The following TAFA1 variants were observed in gnomAD, a reference collection of about 807,000 sequenced individuals.
TAFA1 encodes the protein chemokine-like protein TAFA-1.
Under a neutral mutation model 18.5 loss-of-function variants are expected in TAFA1, and 4 were observed. The observed-to-expected ratio is 0.22, with a 90% CI of 0.11 to 0.49. TAFA1 has a LOEUF of 0.49. TAFA1 is among the 20% of genes least tolerant of loss of function. The pLI, the probability that TAFA1 is intolerant of heterozygous loss-of-function variation, is 0.98. For synonymous variants in TAFA1, 56 were observed against 55.2 expected, an observed-to-expected ratio of 1.01 and a Z score of -0.06; for missense variants, 147 against 169.0, an observed-to-expected ratio of 0.87 and a Z score of 0.72.
chr3:68,406,128 A>T (rs1283082212), intron 2 of TAFA1, among the ~76,000 whole-genome samples: 2 of 152,216 alleles, frequency 1.3e-5, no homozygotes, highest in African/African-American at 2.4e-5. Context: ...GATGTTAATT[A>T]TTCAAAATTA....
chr3:68,326,038 A>T (rs986011780), intron 2 of TAFA1, among the ~76,000 whole-genome samples: 4 of 152,194 alleles, frequency 2.6e-5, no homozygotes, highest in African/African-American at 9.7e-5. Context: ...ATAAACTTGA[A>T]ATAGAATACA....
chr3:68,019,208 T>C (rs554859749), intron 2 of TAFA1, among the ~76,000 whole-genome samples: 1 of 152,228 alleles, frequency 6.6e-6, no homozygotes, highest in Non-Finnish European at 1.5e-5. Flanking sequence ...CATGTAATAG[T>C]TTTGAGTACT....
intron 3 of TAFA1, among the ~76,000 whole-genome samples, chr3:68,521,862 T>TTTTTTG (rs2073031320): frequency 7.8e-6 from 1 of 128,488 alleles, no homozygotes; most frequent in Admixed American, 8.1e-5. Context: ...TTCTGTTTTT[T>TTTTTTG]TTTTTTTTTT....
chr3:68,501,014 G>A, intron 3 of TAFA1, among the ~76,000 whole-genome samples: 1 of 151,774 alleles, frequency 6.6e-6, no homozygotes, highest in East Asian at 1.9e-4. Flanking sequence ...AATTAGCCAG[G>A]CATGGTGGCA....
chr3:68,181,749 CT>C (rs2066203785), intron 2 of TAFA1, among the ~76,000 whole-genome samples: 1 of 152,142 alleles, frequency 6.6e-6, no homozygotes, highest in African/African-American at 2.4e-5. Flanking sequence ...GCTTAGACAT[CT>C]GTTGTGGGCT....
intron 2 of TAFA1, among the ~76,000 whole-genome samples, chr3:68,353,876 C>G (rs530509295): frequency 3.9e-5 from 6 of 152,016 alleles, no homozygotes; most frequent in Non-Finnish European, 4.4e-5. Context: ...CAACCCCAGT[C>G]TGAGCAGTAC....
At chr3:68,335,694 T>G (rs2068959099) in intron 2 of TAFA1, among the ~76,000 whole-genome samples, 2 of 152,100 alleles carry the variant, frequency 1.3e-5, no homozygotes, top group Admixed American at 1.3e-4. Flanking sequence ...GTAGGTTGAG[T>G]TCGCTTTTAA....
At chr3:68,021,248 C>G (rs1704684201) in intron 2 of TAFA1, among the ~76,000 whole-genome samples, 1 of 142,434 alleles carries the variant, frequency 7.0e-6, no homozygotes, top group African/African-American at 2.6e-5. Context: ...TGTGGTGTCA[C>G]TAATAGGGAA....
At chr3:68,426,361 G>A (rs2071053772) in intron 3 of TAFA1, among the ~76,000 whole-genome samples, 1 of 151,360 alleles carries the variant, frequency 6.6e-6, no homozygotes, top group Admixed American at 6.6e-5. Context: ...AAAATATTTG[G>A]GTACATGCAG....
chr3:68,388,760 C>T (rs943474139), intron 2 of TAFA1, among the ~76,000 whole-genome samples: 4 of 151,394 alleles, frequency 2.6e-5, no homozygotes, highest in African/African-American at 9.8e-5. Context: ...TAATTTATGG[C>T]CATCTGATTT....
intron 2 of TAFA1, among the ~76,000 whole-genome samples, chr3:68,332,414 G>T (rs893728417): frequency 6.6e-6 from 1 of 152,136 alleles, no homozygotes; most frequent in Non-Finnish European, 1.5e-5. Context: ...TAAATAATTA[G>T]ATTACATCAA....
Position 68,173,415 on chromosome 3 carries a change from A to C in TAFA1, c.118+166671A>C, listed in dbSNP as rs1336843492. On this transcript the variant is annotated intron_variant, in intron 2 of 4. Transcript: ENST00000478136. Reference sequence around the variant, plus strand: ...ATTTCTGGGTGTGAGCTGCCACTCAAGTATTTGCAAAGTGGCTCTTGAATG... The same window carrying C: ...ATTTCTGGGTGTGAGCTGCCACTCACGTATTTGCAAAGTGGCTCTTGAATG... Among the ~76,000 whole-genome samples the C allele has an allele frequency of 3.3e-5, 5 of 152,194 alleles. No individual in the cohort carries two copies. In the South Asian group the frequency reaches 8.3e-4, roughly 25 times the overall value.
intron 2 of TAFA1, among the ~76,000 whole-genome samples, chr3:68,328,749 CTCTT>C (rs1430911495): frequency 6.6e-6 from 1 of 151,918 alleles, no homozygotes; most frequent in Non-Finnish European, 1.5e-5. Flanking sequence ...AAAAAATAAA[CTCTT>C]TATATATAAT....
chr3:68,062,306 G>A (rs1176341421), intron 2 of TAFA1, among the ~76,000 whole-genome samples: 2 of 152,108 alleles, frequency 1.3e-5, no homozygotes, highest in Non-Finnish European at 2.9e-5. Flanking sequence ...CTGCTACTCA[G>A]TTTCAACCAG....
intron 3 of TAFA1, among the ~76,000 whole-genome samples, chr3:68,418,632 G>T (rs974621709): frequency 1.6e-5 from 2 of 121,432 alleles, no homozygotes; most frequent in African/African-American, 6.3e-5. Flanking sequence ...TTGGGCTCGG[G>T]CTCAGAGGCC....
At chr3:68,060,030 A>G (rs1212843250) in intron 2 of TAFA1, among the ~76,000 whole-genome samples, 1 of 152,016 alleles carries the variant, frequency 6.6e-6, no homozygotes, top group African/African-American at 2.4e-5. Context: ...CCTGAATGCT[A>G]AAGGGGCTTG....
At chr3:68,417,463 CA>C (rs766940507) in intron 3 of TAFA1, 43 bp downstream of exon 3, 1 of 1,584,882 alleles carries the variant, frequency 6.3e-7, no homozygotes, top group Admixed American at 1.7e-5. Context: ...ACATGGCATT[CA>C]CTATACATAA....
chr3:68,062,328 T>C (rs2064615189), intron 2 of TAFA1, among the ~76,000 whole-genome samples: 1 of 152,206 alleles, frequency 6.6e-6, no homozygotes, highest in Non-Finnish European at 1.5e-5. Context: ...AGTTGCCATA[T>C]GGGGCTTCAG....
At chr3:68,248,992 T>C (rs1357521822) in intron 2 of TAFA1, among the ~76,000 whole-genome samples, 1 of 152,062 alleles carries the variant, frequency 6.6e-6, no homozygotes, top group Non-Finnish European at 1.5e-5. Context: ...CTTCACGGTA[T>C]GAAAGCCCCT....
Sources: allele counts gnomAD v4.1 joint callset (sites outside exome capture counted in the v4.1 genomes callset), GRCh38; gene constraint gnomAD v4.1.1; transcripts MANE v1.5; gene names NCBI Gene and HGNC (gene_info 2026-07-23, HGNC 2026-07-21).